Variants in MME observed in about 807,000 individuals in gnomAD.
MME encodes membrane metalloendopeptidase.
MME carries 98 observed loss-of-function variants against 113.2 expected under a neutral mutation model. That is an observed-to-expected ratio of 0.87 (90% CI 0.74 to 1.02). MME has a LOEUF of 1.02. Among genes scored for constraint, MME ranks in the 50% least tolerant of loss-of-function variants. MME has a pLI of 0.00. For synonymous variants in MME, 292 were observed against 300.6 expected (o/e 0.97, Z 0.30); for missense variants, 836 against 896.0 (o/e 0.93, Z 0.86).
chr3:155,162,801 T>C (rs1384337944), intron 17 of MME, among the ~76,000 whole-genome samples: 1 of 151,532 alleles, frequency 6.6e-6, no homozygotes, highest in Non-Finnish European at 1.5e-5. Flanking sequence ...TCACCTGAGG[T>C]CAAGAGTTCG....
At chr3:155,109,631 G>A (rs1023751830) in intron 3 of MME, among the ~76,000 whole-genome samples, 13 of 152,128 alleles carry the variant, frequency 8.5e-5, no homozygotes, top group Admixed American at 5.2e-4. Context: ...TTTCTCGATT[G>A]TCTAATGTGG....
rs1553749769 is a variant in MME, at chr3:155,042,913, T to TAC, written c.-11+18590_-11+18591insCA. 3.0e-3 allele frequency among the ~76,000 whole-genome samples: 131 copies of TAC among 43,626 alleles called. 1 individual carries two copies. Among genetic ancestry groups the TAC allele is most frequent in the Middle Eastern group, 0.012 (1 of 82 alleles). The allele number at this position is 43,626 out of a possible 152,430, so 28.6% of individuals were successfully genotyped here. On this transcript the variant is annotated intron_variant, in intron 1 of 22. Transcript: ENST00000492661. The stretch of plus-strand genomic sequence containing the variant: ...CAATAGTAGGTTTTATATATATATA[T>TAC]ATATATATATATATATATATATATA...
chr3:155,047,205 A>C (rs912438416), intron 1 of MME, among the ~76,000 whole-genome samples: 5 of 152,216 alleles, frequency 3.3e-5, no homozygotes, highest in African/African-American at 1.2e-4. Context: ...TATTTTCACT[A>C]GACCTTTCCT....
At chr3:155,057,762 T>TA (rs1713986001) in intron 1 of MME, among the ~76,000 whole-genome samples, 1 of 151,080 alleles carries the variant, frequency 6.6e-6, no homozygotes, top group Non-Finnish European at 1.5e-5. Context: ...GGAATGGAGA[T>TA]CAGCGACATT....
intron 3 of MME, among the ~76,000 whole-genome samples, chr3:155,099,825 T>A (rs1275682292): frequency 6.6e-6 from 1 of 152,248 alleles, no homozygotes; most frequent in Non-Finnish European, 1.5e-5. Flanking sequence ...TGGTTCCAAG[T>A]CTTTGCTATT....
chr3:155,037,814 G>A lies in MME; in HGVS notation c.-11+13490G>A, dbSNP rs760762356. The stretch of plus-strand genomic sequence containing the variant: ...GGCAACAGAGGTCATTGATGTTCTT[G>A]ATAGGACCAGTTTTGGTAGAATTGT... On this transcript the variant is annotated intron_variant, in intron 1 of 22. Coordinates refer to the MME transcript ENST00000492661. Among the ~76,000 whole-genome samples, 109 of 152,284 alleles carry A rather than the reference G, an allele frequency of 7.2e-4. 1 individual carries two copies. The highest frequency in any genetic ancestry group is 3.4e-3 in the Middle Eastern group (1 of 294).
chr3:155,059,619 C>T (rs1050539550), intron 1 of MME, among the ~76,000 whole-genome samples: 12 of 151,966 alleles, frequency 7.9e-5, no homozygotes, highest in Non-Finnish European at 1.6e-4. Flanking sequence ...TAGAAACTAT[C>T]GGCCTATTTC....
intron 1 of MME, among the ~76,000 whole-genome samples, chr3:155,048,446 A>G (rs1170937167): frequency 6.6e-6 from 1 of 152,150 alleles, no homozygotes. Flanking sequence ...TAGTATTGGG[A>G]GAAATGGGTT....
intron 3 of MME, among the ~76,000 whole-genome samples, chr3:155,095,250 A>C (rs879343759): frequency 2.0e-5 from 3 of 152,156 alleles, no homozygotes; most frequent in Non-Finnish European, 4.4e-5. Context: ...AATTGCCTGG[A>C]TATTTGCATT....
At chr3:155,034,412 A>G (rs1713066645) in intron 1 of MME, among the ~76,000 whole-genome samples, 1 of 152,234 alleles carries the variant, frequency 6.6e-6, no homozygotes, top group Non-Finnish European at 1.5e-5. Context: ...CATTAGAAAT[A>G]CAGACCATAG....
chr3:155,112,380 G>T (rs1718262126), intron 3 of MME: 1 of 152,172 alleles, frequency 6.6e-6, no homozygotes, highest in African/African-American at 2.4e-5. Context: ...TACAGAGGCA[G>T]AAAACCATAA....
Position 155,084,285 on chromosome 3 carries a change from A to G in MME, c.118A>G (p.Ile40Val), listed in dbSNP as rs145985273. Reference protein sequence around the residue: ...SLSVLVLLLTIIAVTMIALYA... With the variant: ...SLSVLVLLLTVIAVTMIALYA... ...CTCGGTCCTTGTCCTGCTCCTCACC[A>G]TCATAGCTGTGACAATGATCGCACT... is the stretch of plus-strand genomic sequence containing the variant. The change falls in exon 2 of 23, where the codon ATC (isoleucine) becomes GTC (valine). Residue 40 changes from isoleucine (I) to valine (V), a missense_variant. By Grantham distance (29) the Ile-to-Val change is conservative (BLOSUM62 3). Coordinates refer to ENST00000360490, the MANE Select transcript of MME (RefSeq NM_007289.4). 3 of 1,614,040 alleles carry G rather than the reference A, an allele frequency of 1.9e-6. No individual in the cohort carries two copies. The highest frequency in any genetic ancestry group is 2.7e-5 in the African/African-American group (2 of 74,912).
intron 3 of MME, among the ~76,000 whole-genome samples, chr3:155,092,722 A>C (rs935976884): frequency 2.0e-5 from 3 of 152,120 alleles, no homozygotes; most frequent in Admixed American, 1.3e-4. Context: ...AACATCAAAA[A>C]CATTATGCTG....
intron 3 of MME, among the ~76,000 whole-genome samples, chr3:155,091,919 T>C (rs1355218633): frequency 6.6e-6 from 1 of 152,134 alleles, no homozygotes; most frequent in Non-Finnish European, 1.5e-5. Context: ...CAAAACATCC[T>C]AGATGGGCCA....
chr3:155,029,414 C>T (rs1399521931), intron 1 of MME, among the ~76,000 whole-genome samples: 2 of 151,826 alleles, frequency 1.3e-5, no homozygotes, highest in Admixed American at 1.3e-4. Flanking sequence ...TAAATAACCT[C>T]TTAAACTAGA....
intron 8 of MME, among the ~76,000 whole-genome samples, chr3:155,136,758 TCC>T (rs1720668437): frequency 6.6e-6 from 1 of 152,208 alleles, no homozygotes; most frequent in African/African-American, 2.4e-5. Context: ...GGATGTTCCT[TCC>T]ACTTCTAATT....
At chr3:155,119,563 C>A (rs1011548679) in intron 8 of MME, among the ~76,000 whole-genome samples, 1 of 94,956 alleles carries the variant, frequency 1.1e-5, no homozygotes, top group Non-Finnish European at 2.2e-5. Context: ...GCTATCCCTC[C>A]CCCCTCCCCC....
intron 8 of MME, among the ~76,000 whole-genome samples, 198 bp from the exon 9 acceptor site, chr3:155,137,904 C>T (rs1000163386): frequency 6.0e-5 from 9 of 149,898 alleles, no homozygotes; most frequent in African/African-American, 1.2e-4. Context: ...TCATTGCTCT[C>T]CTTTAAGCTC....
At chr3:155,124,643 G>A (rs923939618) in intron 8 of MME, among the ~76,000 whole-genome samples, 4 of 151,402 alleles carry the variant, frequency 2.6e-5, no homozygotes, top group Admixed American at 1.3e-4. Flanking sequence ...TAACAGACAG[G>A]ACCCTCAGCT....
Sources: allele counts gnomAD v4.1 joint callset (sites outside exome capture counted in the v4.1 genomes callset), GRCh38; gene constraint gnomAD v4.1.1; transcripts MANE v1.5; gene names NCBI Gene and HGNC (gene_info 2026-07-23, HGNC 2026-07-21).